Variants in FBXL20 observed in about 807,000 individuals in gnomAD.
FBXL20 encodes F-box/LRR-repeat protein 20.
In FBXL20, 11 loss-of-function variants were observed where a neutral mutation model predicts 64.0. The ratio of observed to expected loss-of-function variants is 0.17; its 90% CI spans 0.11 to 0.28. FBXL20 has a LOEUF of 0.28. Among genes scored for constraint, FBXL20 ranks in the 10% least tolerant of loss-of-function variants. The pLI, the probability that FBXL20 is intolerant of heterozygous loss-of-function variation, is 1.00. For missense variants in FBXL20, 303 were observed against 526.2 expected, an observed-to-expected ratio of 0.58 and a Z score of 4.15; for synonymous variants, 184 against 189.0, an observed-to-expected ratio of 0.97 and a Z score of 0.22.
chr17:39,284,383 T>C (rs1020797353), intron 7 of FBXL20, among the ~76,000 whole-genome samples: 2 of 152,126 alleles, frequency 1.3e-5, no homozygotes, highest in Non-Finnish European at 2.9e-5. Context: ...CTTAACTAAA[T>C]TTGTATTTTT....
intron 1 of FBXL20, 133 bp downstream of exon 1, chr17:39,401,228 C>A: frequency 2.6e-6 from 4 of 1,538,592 alleles, no homozygotes; most frequent in East Asian, 2.4e-5. Flanking sequence ...GAAAGGGGAG[C>A]GGAGTCTGGC....
At chr17:39,355,120 G>A (rs542491227) in intron 1 of FBXL20, among the ~76,000 whole-genome samples, 36 of 152,024 alleles carry the variant, frequency 2.4e-4, no homozygotes, top group Non-Finnish European at 5.1e-4. Context: ...TAGTAGAGGC[G>A]GCATTTCACC....
Position 39,393,060 on chromosome 17 carries a change from G to C in FBXL20, c.42+8301C>G, listed in dbSNP as rs897949873. ...TCTCAGCACTTTGGGAAGCCAAGGC[G>C]GGCGGATCACCTGAGGTCAAGAGTT... On this transcript the variant is annotated intron_variant, in intron 1 of 14. Coordinates refer to ENST00000264658, the MANE Select transcript of FBXL20 (RefSeq NM_032875.3). 4.0e-5 allele frequency among the ~76,000 whole-genome samples: 6 copies of C among 151,858 alleles called. No individual in the cohort carries two copies. The South Asian group carries it at 8.3e-4, about 21-fold the overall frequency.
intron 1 of FBXL20, among the ~76,000 whole-genome samples, chr17:39,382,424 CAGAG>C (rs952525208): frequency 5.1e-5 from 6 of 118,012 alleles, no homozygotes; most frequent in African/African-American, 2.1e-4. Context: ...GCCACAGCAA[CAGAG>C]AGAGACTCCA....
At chr17:39,311,497 T>C (rs2047235232) in intron 2 of FBXL20, among the ~76,000 whole-genome samples, 1 of 152,124 alleles carries the variant, frequency 6.6e-6, no homozygotes, top group South Asian at 2.1e-4. Flanking sequence ...GTTGTATGTC[T>C]TTCTTCTTCC....
At chr17:39,324,023 C>CCCA (rs2047384636) in intron 2 of FBXL20, among the ~76,000 whole-genome samples, 1 of 139,030 alleles carries the variant, frequency 7.2e-6, no homozygotes, top group African/African-American at 3.0e-5. Flanking sequence ...CTCCCCCCCC[C>CCCA]ACCCCCTGGC....
chr17:39,356,480 C>T (rs932372393), intron 1 of FBXL20, among the ~76,000 whole-genome samples: 3 of 152,022 alleles, frequency 2.0e-5, no homozygotes, highest in African/African-American at 7.2e-5. Context: ...CTCAGCCCCC[C>T]AAGTGGCTGG....
At chr17:39,309,280 GTT>G (rs1365233469) in intron 2 of FBXL20, among the ~76,000 whole-genome samples, 3 of 152,094 alleles carry the variant, frequency 2.0e-5, no homozygotes, top group African/African-American at 7.2e-5. Context: ...CCCGACCACT[GTT>G]TTTGAGTTAT....
chr17:39,281,528 G>T, intron 8 of FBXL20, 65 bp from the exon 9 acceptor site: 1 of 1,381,664 alleles, frequency 7.2e-7, no homozygotes, highest in Admixed American at 1.9e-5. Context: ...AGAGATTTAA[G>T]AATGTACACA....
chr17:39,362,567 C>T (rs1312248012), intron 1 of FBXL20, among the ~76,000 whole-genome samples: 1 of 152,080 alleles, frequency 6.6e-6, no homozygotes, highest in South Asian at 2.1e-4. Flanking sequence ...AGGTGATCCA[C>T]CTGCCTCGGC....
chr17:39,357,052 A>G (rs1281336645), intron 1 of FBXL20, among the ~76,000 whole-genome samples: 2 of 151,160 alleles, frequency 1.3e-5, no homozygotes, highest in African/African-American at 4.8e-5. Context: ...AGGCGGGTGG[A>G]TCACCGAGGT....
chr17:39,293,366 C>T (rs1178555402), intron 6 of FBXL20, among the ~76,000 whole-genome samples: 1 of 151,324 alleles, frequency 6.6e-6, no homozygotes, highest in Non-Finnish European at 1.5e-5. Context: ...AGATTACAGA[C>T]ACATGCTACC....
intron 10 of FBXL20, among the ~76,000 whole-genome samples, chr17:39,272,127 C>G (rs2046849473): frequency 6.6e-6 from 1 of 152,060 alleles, no homozygotes; most frequent in African/African-American, 2.4e-5. Flanking sequence ...TGACTCACGC[C>G]TGTAATCCCT....
chr17:39,264,329 G>C lies in FBXL20; in HGVS notation c.1049C>G (p.Ala350Gly). 1 of 1,614,084 alleles carries C rather than the reference G, an allele frequency of 6.2e-7. No individual in the cohort carries two copies. The highest frequency in any genetic ancestry group is 1.1e-5 in the South Asian group (1 of 91,080). ...CACCTCCAGCTGGTCATGGGCGCAG[G>C]CCCCATTCCCCAGGTGACGAATTCC... The part of the protein sequence containing the change: ...DDGIRHLGNG[A>G]CAHDQLEVIE... Residue 350 changes from alanine to glycine, a missense_variant, in exon 14 of 15, where the codon GCC (alanine) becomes GGC (glycine). This residue lies in a region of FBXL20 where 246 missense variants were observed against 422.6 expected (regional missense o/e 0.58). Coordinates refer to ENST00000264658, the MANE Select transcript of FBXL20 (RefSeq NM_032875.3).
At chr17:39,391,964 A>T (rs2048137954) in intron 1 of FBXL20, among the ~76,000 whole-genome samples, 2 of 151,942 alleles carry the variant, frequency 1.3e-5, no homozygotes, top group Admixed American at 1.3e-4. Context: ...CAACACGGTG[A>T]AACCCTGTCT....
At chr17:39,344,255 G>T (rs9909304) in intron 1 of FBXL20, among the ~76,000 whole-genome samples, 32,245 of 151,490 alleles carry the variant, frequency 0.21, 3,912 homozygotes, top group African/African-American at 0.32. Context: ...GGAGGCTGAG[G>T]TGGGAGGACT....
intron 1 of FBXL20, among the ~76,000 whole-genome samples, chr17:39,352,109 G>A (rs1181467687): frequency 2.0e-5 from 3 of 152,144 alleles, no homozygotes; most frequent in Admixed American, 1.3e-4. Flanking sequence ...TGACACATTT[G>A]AGGGATCTGT....
chr17:39,338,111 G>A (rs1018043891), intron 2 of FBXL20, among the ~76,000 whole-genome samples: 6 of 152,264 alleles, frequency 3.9e-5, no homozygotes, highest in Non-Finnish European at 7.3e-5. Flanking sequence ...GAAAGGTGGG[G>A]AAAAGATTGA....
At position 39,348,329 on chromosome 17, in the gene FBXL20, C is replaced by T. The variant is rs150916518; in HGVS notation, c.43-5088G>A. On this transcript the variant is annotated intron_variant, in intron 1 of 14. Transcript: ENST00000264658. ...TACAAAAATTAGCTGGGCATGGTGA[C>T]GCACACCTGTAGTTCCAGCTACTTG... Among the ~76,000 whole-genome samples the T allele has an allele frequency of 6.5e-3, 987 of 152,194 alleles. 39 individuals are homozygous for T. Among genetic ancestry groups the T allele is most frequent in the East Asian group, 7.7e-3 (40 of 5,176 alleles).
Sources: gnomAD v4.1 joint callset for allele counts (sites outside exome capture counted in the v4.1 genomes callset) on GRCh38, gnomAD v4.1.1 for gene constraint, gnomAD v4.1.1 regional missense constraint, MANE v1.5 for transcripts, NCBI Gene and HGNC (gene_info 2026-07-23, HGNC 2026-07-21) for gene names.